FAM171A1: variants seen among roughly 807,000 people sequenced by gnomAD.
FAM171A1 encodes protein FAM171A1.
In FAM171A1, 23 loss-of-function variants were observed where a neutral mutation model predicts 74.9. The observed-to-expected ratio is 0.31, with a 90% CI of 0.22 to 0.44. FAM171A1 has a LOEUF of 0.44. Among genes scored for constraint, FAM171A1 ranks in the 20% least tolerant of loss-of-function variants. The pLI is 1.00. For missense variants in FAM171A1, 1,162 were observed against 1,159.2 expected (o/e 1.00, Z -0.03); for synonymous variants, 527 against 505.7 (o/e 1.04, Z -0.57).
intron 3 of FAM171A1, among the ~76,000 whole-genome samples, chr10:15,267,333 G>A (rs538095106): frequency 3.9e-5 from 6 of 151,902 alleles, no homozygotes; most frequent in Admixed American, 6.6e-5. Flanking sequence ...GGCCAGGTGC[G>A]GTGGCTCATG....
At chr10:15,245,362 C>T (rs781780642) in intron 5 of FAM171A1, among the ~76,000 whole-genome samples, 3 of 152,182 alleles carry the variant, frequency 2.0e-5, no homozygotes, top group East Asian at 1.9e-4. Context: ...CCATGGTGCC[C>T]GGCCCAATCT....
chr10:15,333,014 A>AC (rs1835659143), intron 1 of FAM171A1, among the ~76,000 whole-genome samples: 3 of 152,196 alleles, frequency 2.0e-5, no homozygotes, highest in African/African-American at 7.2e-5. Flanking sequence ...TCTTCCCTTT[A>AC]CCATCACCAG....
At chr10:15,311,956 G>A (rs1048799072) in intron 1 of FAM171A1, among the ~76,000 whole-genome samples, 15 of 152,220 alleles carry the variant, frequency 9.9e-5, no homozygotes, top group Non-Finnish European at 4.4e-5. Flanking sequence ...CGTACATTAC[G>A]TGATTATTTA....
intron 3 of FAM171A1, 29 bp downstream of exon 3, chr10:15,275,826 A>G (rs1490691362): frequency 1.4e-6 from 2 of 1,441,336 alleles, no homozygotes; most frequent in Non-Finnish European, 1.9e-6. Flanking sequence ...AAAAATAACA[A>G]TAAAAACTGA....
chr10:15,374,523 G>A (rs1329451920), upstream of FAM171A1, among the ~76,000 whole-genome samples: 2 of 152,148 alleles, frequency 1.3e-5, no homozygotes, highest in South Asian at 2.1e-4. Context: ...CTCATGTTCC[G>A]ATCATGATCA....
chr10:15,214,758 C>CTTT (rs1206537948), intron 7 of FAM171A1, among the ~76,000 whole-genome samples, 157 bp from the exon 8 acceptor site: 3 of 140,430 alleles, frequency 2.1e-5, no homozygotes, highest in Admixed American at 7.1e-5. Flanking sequence ...CACGCCCTGT[C>CTTT]TTTTTTTTTT....
At chr10:15,285,504 C>A (rs1284946756) in intron 1 of FAM171A1, among the ~76,000 whole-genome samples, 2 of 152,070 alleles carry the variant, frequency 1.3e-5, no homozygotes, top group African/African-American at 4.8e-5. Context: ...CTGTGATAAC[C>A]CAGAACTGAG....
intron 1 of FAM171A1, among the ~76,000 whole-genome samples, chr10:15,325,860 A>C (rs1835549375): frequency 6.6e-6 from 1 of 152,178 alleles, no homozygotes; most frequent in Non-Finnish European, 1.5e-5. Context: ...AGTCATAGGA[A>C]GTAAAAAGAA....
At chr10:15,235,174 C>T (rs9988761) in intron 5 of FAM171A1, among the ~76,000 whole-genome samples, 1,929 of 151,846 alleles carry the variant, frequency 0.013, 51 homozygotes, top group African/African-American at 0.043. Context: ...GCTGGGCAGG[C>T]GCCTACAATA....
intron 3 of FAM171A1, among the ~76,000 whole-genome samples, chr10:15,264,523 A>C (rs1224238301): frequency 6.6e-6 from 1 of 152,166 alleles, no homozygotes; most frequent in Non-Finnish European, 1.5e-5. Flanking sequence ...ATACAAATAC[A>C]TCGGGCATCT....
chr10:15,234,463 C>T (rs1358506044), intron 5 of FAM171A1, among the ~76,000 whole-genome samples: 1 of 152,158 alleles, frequency 6.6e-6, no homozygotes, highest in Non-Finnish European at 1.5e-5. Flanking sequence ...GTACACTCCA[C>T]AGACTGGCAG....
rs1260082262 is a variant in FAM171A1, at chr10:15,213,828, T to A, written c.1760A>T (p.Tyr587Phe). ...GGAGTGGTCCCCGGGGAGTTTCATA[T>A]AATGAGCCGGGATGACCAAGGCAGG... is the stretch of plus-strand genomic sequence containing the variant. ...VLPALVIPAHYMKLPGDHSYV... is the reference protein window; with the variant it reads ...VLPALVIPAHFMKLPGDHSYV... The change falls in exon 8 of 8, where the codon TAT becomes TTT. Residue 587 changes from tyrosine (Y) to phenylalanine (F), a missense_variant. By Grantham distance (22) the Tyr-to-Phe change is conservative. Transcript: ENST00000378116. This position sits in a 1 kb window ranked among gnomAD's most constrained non-coding sequence, Gnocchi z 6.8. 1.2e-6 allele frequency: 2 copies of A among 1,614,150 alleles called. No individual in the cohort carries two copies. The highest frequency in any genetic ancestry group is 1.6e-4 in the Middle Eastern group (1 of 6,062).
intron 5 of FAM171A1, among the ~76,000 whole-genome samples, chr10:15,229,560 C>T (rs899757949): frequency 2.4e-5 from 3 of 125,046 alleles, no homozygotes; most frequent in Non-Finnish European, 3.6e-5. Context: ...CATTGTCACC[C>T]CCATCACCAT....
intron 1 of FAM171A1, among the ~76,000 whole-genome samples, chr10:15,312,673 G>GTTTTTTTTTTTTTTTTTTTTT (rs1169098742): frequency 2.7e-5 from 1 of 36,382 alleles, no homozygotes; most frequent in Non-Finnish European, 4.7e-5. Context: ...AGCACTGTGT[G>GTTTTTTTTTTTTTTTTTTTTT]TTTTTTTTTT....
chr10:15,308,289 T>C (rs950101350), intron 1 of FAM171A1, among the ~76,000 whole-genome samples: 13 of 152,174 alleles, frequency 8.5e-5, no homozygotes, highest in African/African-American at 2.9e-4. Flanking sequence ...TATACTCTCA[T>C]GTCAGAAAGC....
chr10:15,344,162 G>A (rs1835794860), intron 1 of FAM171A1, among the ~76,000 whole-genome samples: 1 of 152,160 alleles, frequency 6.6e-6, no homozygotes, highest in South Asian at 2.1e-4. Context: ...AAAGTTTAGG[G>A]TTGAGAAGTT....
rs1160348830 is a variant in FAM171A1 at position 15,371,003 on chromosome 10, CA to C, written c.49del (p.Trp17GlyfsTer4). On this transcript the variant is annotated frameshift_variant, in exon 1 of 8. Transcript: ENST00000378116. LOFTEE classifies it high-confidence loss of function. ...CCGCAGCGTCTTGGTCACCGCCTTC[CA>C]GACGTGGCAGCCCAGCAGGCACAGC... ...LLLCLLGCHV[W>X]KAVTKTLREP... The C allele has an allele frequency of 1.7e-6, 2 of 1,192,296 alleles. No individual in the cohort carries two copies. Among genetic ancestry groups the C allele is most frequent in the Admixed American group, 5.9e-5 (2 of 33,846 alleles). The allele number at this position is 1,192,296 out of a possible 1,614,324, so 73.9% of individuals were successfully genotyped here. A position where few individuals can be genotyped will look rare whatever the true frequency, so the allele number is the denominator to read the frequency against.
chr10:15,223,985 C>G (rs1174746405), intron 5 of FAM171A1, among the ~76,000 whole-genome samples: 2 of 152,214 alleles, frequency 1.3e-5, no homozygotes, highest in Non-Finnish European at 2.9e-5. Flanking sequence ...TATATAGACC[C>G]CACCAGACTA....
rs1833943188 is a variant in FAM171A1 at position 15,214,556 on chromosome 10, G to A, written c.1032C>T (p.Leu344=). ...KPRQHHRKLQ[L]PAGLESSKRD... ...TTTTGGAACTCTCCAGTCCTGCAGG[G>A]AGCTGCAGTTTTCTGTGGTGCTGAC... The change falls in exon 8 of 8, where the codon CTC becomes CTT. Residue 344 remains leucine (L), a synonymous_variant. Coordinates refer to ENST00000378116, the MANE Select transcript of FAM171A1 (RefSeq NM_001010924.2). The A allele has an allele frequency of 6.2e-7, 1 of 1,612,868 alleles. No individual in the cohort carries two copies. The highest frequency in any genetic ancestry group is 8.5e-7 in the Non-Finnish European group (1 of 1,179,506).
Sources: allele counts gnomAD v4.1 joint callset (sites outside exome capture counted in the v4.1 genomes callset), GRCh38; gene constraint gnomAD v4.1.1; non-coding constraint Gnocchi (gnomAD v3.1); transcripts MANE v1.5; gene names NCBI Gene and HGNC (gene_info 2026-07-23, HGNC 2026-07-21).